PDE3B: variants seen among roughly 807,000 people sequenced by gnomAD.
PDE3B encodes the protein phosphodiesterase 3B.
PDE3B carries 66 observed loss-of-function variants against 116.8 expected under a neutral mutation model. The ratio of observed to expected loss-of-function variants is 0.56; its 90% CI spans 0.46 to 0.69. The LOEUF (loss-of-function observed/expected upper bound fraction) is 0.69. Ranked by LOEUF, PDE3B falls within the 30% of genes least tolerant of loss-of-function variation. PDE3B has a pLI of 0.00. For missense variants in PDE3B, 1,384 were observed against 1,368.1 expected (o/e 1.01, Z -0.18); for synonymous variants, 595 against 533.6 (o/e 1.12, Z -1.59).
At chr11:14,722,864 T>C (rs1856165110) in intron 1 of PDE3B, among the ~76,000 whole-genome samples, 2 of 152,222 alleles carry the variant, frequency 1.3e-5, no homozygotes, top group African/African-American at 2.4e-5. Flanking sequence ...AAGCTAACTA[T>C]GTTATGATAT....
intron 1 of PDE3B, among the ~76,000 whole-genome samples, chr11:14,768,964 A>G (rs535893636): frequency 1.1e-4 from 17 of 151,620 alleles, no homozygotes; most frequent in African/African-American, 3.9e-4. Context: ...TACTTGCTCA[A>G]ATTACGCAGA....
chr11:14,848,706 C>G (rs367835900), intron 12 of PDE3B, among the ~76,000 whole-genome samples: 248 of 152,230 alleles, frequency 1.6e-3, no homozygotes, highest in African/African-American at 3.1e-3. Context: ...CAGACAAACA[C>G]AGAGCCAAAT....
chr11:14,840,206 C>T (rs981916437), intron 11 of PDE3B, among the ~76,000 whole-genome samples: 2 of 152,192 alleles, frequency 1.3e-5, no homozygotes, highest in African/African-American at 4.8e-5. Flanking sequence ...TAGAAGACCA[C>T]TACAAGATAA....
chr11:14,882,905 C>T, the PDE3B span, among the ~76,000 whole-genome samples: 7 of 152,036 alleles, frequency 4.6e-5, no homozygotes, highest in Admixed American at 2.0e-4. Context: ...AAACACAGAG[C>T]CAAATCATGA....
chr11:14,803,890 A>C (rs1858842459), intron 4 of PDE3B, 54 bp from the exon 5 acceptor site: 1 of 990,732 alleles, frequency 1.0e-6, no homozygotes, highest in Admixed American at 1.8e-5. Flanking sequence ...TGAGGAAAAA[A>C]GGTGAAACTT....
chr11:14,800,042 G>GGTAT (rs1169933562), intron 4 of PDE3B, among the ~76,000 whole-genome samples: 2 of 152,064 alleles, frequency 1.3e-5, no homozygotes, highest in Non-Finnish European at 2.9e-5. Context: ...TTTACAATTT[G>GGTAT]GTATGTTTTT....
the PDE3B span, among the ~76,000 whole-genome samples, chr11:14,884,772 T>C: frequency 6.6e-6 from 1 of 152,126 alleles, no homozygotes; most frequent in Non-Finnish European, 1.5e-5. Context: ...GAATGCTTTA[T>C]GATAAAAACA....
At chr11:14,687,341 A>G (rs973167734) in intron 1 of PDE3B, among the ~76,000 whole-genome samples, 1 of 152,184 alleles carries the variant, frequency 6.6e-6, no homozygotes, top group Non-Finnish European at 1.5e-5. Flanking sequence ...ATAATGTTAT[A>G]TTGAATTGAT....
chr11:14,673,480 G>A, intron 1 of PDE3B: 1 of 286,216 alleles, frequency 3.5e-6, no homozygotes, highest in South Asian at 4.5e-5. Flanking sequence ...AACATCAGTT[G>A]TTACACACTA....
At chr11:14,745,816 A>G (rs1347694923) in intron 1 of PDE3B, among the ~76,000 whole-genome samples, 1 of 152,198 alleles carries the variant, frequency 6.6e-6, no homozygotes, top group Non-Finnish European at 1.5e-5. Flanking sequence ...ATTAATGTAT[A>G]TTGGCTGGAT....
At chr11:14,819,543 A>G (rs1463084777) in intron 7 of PDE3B, among the ~76,000 whole-genome samples, 1 of 152,146 alleles carries the variant, frequency 6.6e-6, no homozygotes, top group East Asian at 1.9e-4. Flanking sequence ...TTTATGGCAT[A>G]AAGAGGGGTT....
At chr11:14,772,997 CG>C (rs1389139098) in intron 2 of PDE3B, 7 of 151,898 alleles carry the variant, frequency 4.6e-5, no homozygotes, top group Non-Finnish European at 8.8e-5. Flanking sequence ...GGACCTTCAA[CG>C]CAGTGTTGAA....
chr11:14,812,122 C>A (rs958528201), intron 5 of PDE3B, among the ~76,000 whole-genome samples: 10 of 152,132 alleles, frequency 6.6e-5, no homozygotes, highest in Non-Finnish European at 1.5e-4. Context: ...TAGAGAATGA[C>A]TGCTAATGGG....
At chr11:14,831,928 A>G in intron 9 of PDE3B, 151 bp downstream of exon 9, 2 of 497,888 alleles carry the variant, frequency 4.0e-6, no homozygotes, top group Middle Eastern at 5.8e-4. Context: ...TATACATAAA[A>G]CAATTATATA....
the PDE3B span, among the ~76,000 whole-genome samples, chr11:14,893,666 C>A: frequency 9.7e-4 from 147 of 152,252 alleles, no homozygotes; most frequent in African/African-American, 3.4e-3. Flanking sequence ...CAGTTTGAAT[C>A]CTTCCAACAT....
At chr11:14,757,732 A>C (rs558589743) in intron 1 of PDE3B, among the ~76,000 whole-genome samples, 156 of 146,348 alleles carry the variant, frequency 1.1e-3, no homozygotes, top group Non-Finnish European at 1.9e-3. Context: ...GGTTGCGAAA[A>C]TTTTCTCCCA....
the PDE3B span, among the ~76,000 whole-genome samples, chr11:14,890,135 AAAAG>A: frequency 3.3e-5 from 5 of 152,256 alleles, no homozygotes; most frequent in Admixed American, 1.3e-4. Flanking sequence ...CTCAAATAAA[AAAAG>A]AAAGAAACTA....
chr11:14,891,266 T>C, the PDE3B span: 1 of 985,318 alleles, frequency 1.0e-6, no homozygotes, highest in Non-Finnish European at 1.2e-6. Flanking sequence ...GTTATGAGTT[T>C]TAAATGAGTC....
At chr11:14,879,417 T>A in the PDE3B span, 12 of 1,604,504 alleles carry the variant, frequency 7.5e-6, no homozygotes, top group African/African-American at 1.3e-5. Context: ...GGGCCCATAA[T>A]TAAATCAATC....
Sources: gnomAD v4.1 joint callset for allele counts (sites outside exome capture counted in the v4.1 genomes callset) on GRCh38, gnomAD v4.1.1 for gene constraint, MANE v1.5 for transcripts, NCBI Gene and HGNC (gene_info 2026-07-23, HGNC 2026-07-21) for gene names.